Variants in BMP6 observed in about 807,000 individuals in gnomAD.
The protein encoded by BMP6 is bone morphogenetic protein 6, also known as VG-1-R.
BMP6 carries 17 observed loss-of-function variants against 54.1 expected under a neutral mutation model. The observed-to-expected ratio is 0.31, with a 90% CI of 0.22 to 0.47. The LOEUF is 0.47. Ranked by LOEUF, BMP6 falls within the 20% of genes least tolerant of loss-of-function variation. The pLI is 1.00. For missense variants in BMP6, 720 were observed against 690.4 expected (o/e 1.04, Z -0.48); for synonymous variants, 328 against 291.2 (o/e 1.13, Z -1.28).
chr6:7,872,950 C>A (rs1373757304), intron 4 of BMP6, among the ~76,000 whole-genome samples: 1 of 151,766 alleles, frequency 6.6e-6, no homozygotes, highest in African/African-American at 2.4e-5. Context: ...ATAGCCGAGA[C>A]CACAGGCACA....
At chr6:7,727,759 G>GTGGCGGGAGCACAGCCTGC in intron 1 of BMP6, 140 bp downstream of exon 1, 1 of 1,097,398 alleles carries the variant, frequency 9.1e-7, no homozygotes, top group Non-Finnish European at 1.2e-6. Flanking sequence ...GGACAGGCAG[G>GTGGCGGGAGCACAGCCTGC]CTGTGCTCCC....
In BMP6 at chr6:7,880,377, C is replaced by T; in HGVS notation, c.*34C>T. 1 of 1,611,664 alleles carries T rather than the reference C, an allele frequency of 6.2e-7. No homozygotes were observed. The highest frequency in any genetic ancestry group is 8.5e-7 in the Non-Finnish European group (1 of 1,178,080). ...CAGATGCTGGGGACACACATTCTGC[C>T]TTGGATTCCTAGATTACATCTGCCT... On this transcript the variant is annotated 3_prime_UTR_variant, in exon 7 of 7. Transcript: ENST00000283147.
intron 1 of BMP6, among the ~76,000 whole-genome samples, chr6:7,836,123 C>T (rs755711804): frequency 3.3e-5 from 5 of 152,088 alleles, no homozygotes; most frequent in Non-Finnish European, 7.3e-5. Context: ...CCCGTGTGAG[C>T]CACTGCGCCC....
At chr6:7,728,900 C>G (rs182557159) in intron 1 of BMP6, among the ~76,000 whole-genome samples, 2 of 152,320 alleles carry the variant, frequency 1.3e-5, no homozygotes, top group Admixed American at 1.3e-4. Flanking sequence ...GATTTCTTTA[C>G]CAGCCTATCT....
intron 1 of BMP6, among the ~76,000 whole-genome samples, chr6:7,787,502 C>T (rs1168345489): frequency 1.3e-5 from 2 of 152,116 alleles, no homozygotes; most frequent in Non-Finnish European, 2.9e-5. Context: ...TGAATTGTTG[C>T]AGGCTGCAAA....
intron 1 of BMP6, among the ~76,000 whole-genome samples, chr6:7,797,779 G>A (rs930193938): frequency 6.6e-6 from 1 of 152,110 alleles, no homozygotes; most frequent in African/African-American, 2.4e-5. Context: ...AGAAGAGACC[G>A]ATACAAGTTA....
intron 1 of BMP6, among the ~76,000 whole-genome samples, chr6:7,803,649 T>G (rs1479302651): frequency 1.3e-5 from 2 of 152,168 alleles, no homozygotes; most frequent in Non-Finnish European, 2.9e-5. Context: ...GCCTCTCTTT[T>G]GTAGTTTTCT....
chr6:7,727,985 C>G (rs1761777810), intron 1 of BMP6, among the ~76,000 whole-genome samples: 1 of 152,100 alleles, frequency 6.6e-6, no homozygotes, highest in Non-Finnish European at 1.5e-5. Flanking sequence ...GCAGGAGAGT[C>G]CAGCCCGAGT....
intron 1 of BMP6, among the ~76,000 whole-genome samples, chr6:7,746,902 C>T (rs1156298303): frequency 6.6e-6 from 1 of 152,200 alleles, no homozygotes; most frequent in Non-Finnish European, 1.5e-5. Context: ...TCATTTTCCA[C>T]CTGGTTTGTC....
chr6:7,867,634 CA>C (rs1416657345), intron 4 of BMP6, among the ~76,000 whole-genome samples: 3 of 152,180 alleles, frequency 2.0e-5, no homozygotes, highest in Non-Finnish European at 4.4e-5. Context: ...TGTGATTTGT[CA>C]TTGTGATCTT....
chr6:7,791,667 G>A (rs1758109923), intron 1 of BMP6, among the ~76,000 whole-genome samples: 1 of 152,002 alleles, frequency 6.6e-6, no homozygotes, highest in South Asian at 2.1e-4. Flanking sequence ...AATTCAGCAT[G>A]TAGGAAACTT....
chr6:7,813,108 A>AAATATAT (rs1554122651), intron 1 of BMP6, among the ~76,000 whole-genome samples: 4 of 21,496 alleles, frequency 1.9e-4, no homozygotes, highest in African/African-American at 3.9e-4. Flanking sequence ...AAAAAAAAAA[A>AAATATAT]ATATATATAT....
rs1759696569 is a variant in BMP6 at position 7,880,369 on chromosome 6, C to T, written c.*26C>T. On this transcript the variant is annotated 3_prime_UTR_variant, in exon 7 of 7. Coordinates refer to ENST00000283147, the MANE Select transcript of BMP6 (RefSeq NM_001718.6). Reference sequence around the variant, plus strand: ...CTCGAAACCAGATGCTGGGGACACACATTCTGCCTTGGATTCCTAGATTAC... The same window carrying T: ...CTCGAAACCAGATGCTGGGGACACATATTCTGCCTTGGATTCCTAGATTAC... 3 of 1,613,164 alleles carry T rather than the reference C, an allele frequency of 1.9e-6. No homozygotes were observed. Among genetic ancestry groups the T allele is most frequent in the Non-Finnish European group, 2.5e-6 (3 of 1,179,212 alleles).
At chr6:7,740,857 T>TA (rs898174301) in intron 1 of BMP6, among the ~76,000 whole-genome samples, 6 of 152,308 alleles carry the variant, frequency 3.9e-5, no homozygotes, top group Admixed American at 1.3e-4. Context: ...AGAAGGTCTT[T>TA]ATAATCGTTG....
chr6:7,855,990 C>A (rs1466373379), intron 2 of BMP6, among the ~76,000 whole-genome samples: 1 of 151,942 alleles, frequency 6.6e-6, no homozygotes, highest in Non-Finnish European at 1.5e-5. Flanking sequence ...AATATTCTAA[C>A]AGCAAAGTGA....
intron 1 of BMP6, among the ~76,000 whole-genome samples, chr6:7,812,282 G>C (rs1223956424): frequency 6.6e-6 from 1 of 152,146 alleles, no homozygotes; most frequent in Non-Finnish European, 1.5e-5. Flanking sequence ...GGTTCCTTTG[G>C]TTTGCTTGAA....
At chr6:7,781,181 A>G (rs1445244822) in intron 1 of BMP6, among the ~76,000 whole-genome samples, 1 of 152,180 alleles carries the variant, frequency 6.6e-6, no homozygotes, top group Non-Finnish European at 1.5e-5. Flanking sequence ...GAGACTGTTT[A>G]TATTCTGCTT....
chr6:7,812,210 T>C (rs1291278499), intron 1 of BMP6, among the ~76,000 whole-genome samples: 1 of 152,212 alleles, frequency 6.6e-6, no homozygotes, highest in African/African-American at 2.4e-5. Context: ...ATCTGCGTGT[T>C]CTCAGAACTC....
At chr6:7,754,266 T>G (rs1485164304) in intron 1 of BMP6, among the ~76,000 whole-genome samples, 3 of 152,034 alleles carry the variant, frequency 2.0e-5, no homozygotes, top group African/African-American at 7.2e-5. Context: ...TACAGGCACG[T>G]GCCACCATGC....
Sources: allele counts gnomAD v4.1 joint callset (sites outside exome capture counted in the v4.1 genomes callset), GRCh38; gene constraint gnomAD v4.1.1; transcripts MANE v1.5; gene names NCBI Gene and HGNC (gene_info 2026-07-23, HGNC 2026-07-21).